CCSER1: variants seen among roughly 807,000 people sequenced by gnomAD.
The protein encoded by CCSER1 is serine-rich coiled-coil domain-containing protein 1.
Under a neutral mutation model 82.0 loss-of-function variants are expected in CCSER1, and 41 were observed. That is an observed-to-expected ratio of 0.50 (90% CI 0.39 to 0.65). The LOEUF (loss-of-function observed/expected upper bound fraction) is 0.65, where lower values mean the gene tolerates loss of function less well. CCSER1 is among the 30% of genes least tolerant of loss of function. CCSER1 has a pLI of 0.00. For synonymous variants in CCSER1, 414 were observed against 383.9 expected (o/e 1.08, Z -0.92); for missense variants, 1,119 against 1,064.2 (o/e 1.05, Z -0.72).
At chr4:90,872,598 T>C (rs930765999) in intron 8 of CCSER1, among the ~76,000 whole-genome samples, 1 of 151,974 alleles carries the variant, frequency 6.6e-6, no homozygotes, top group African/African-American at 2.4e-5. Context: ...TAGTTATTAC[T>C]TTCGATTGGT....
chr4:90,921,649 C>G (rs1340788877), intron 8 of CCSER1, among the ~76,000 whole-genome samples: 1 of 152,010 alleles, frequency 6.6e-6, no homozygotes, highest in Non-Finnish European at 1.5e-5. Context: ...TTTCCAACTC[C>G]TATCCTCAGG....
At chr4:91,095,092 C>T (rs553962674) in intron 10 of CCSER1, among the ~76,000 whole-genome samples, 18 of 152,150 alleles carry the variant, frequency 1.2e-4, no homozygotes, top group Middle Eastern at 3.4e-3. Context: ...ACTGAGTGTC[C>T]GGCACCAGTA....
At chr4:90,712,218 C>G (rs1275770939) in intron 6 of CCSER1, among the ~76,000 whole-genome samples, 3 of 151,804 alleles carry the variant, frequency 2.0e-5, no homozygotes, top group African/African-American at 7.3e-5. Context: ...TTCTCTAGTT[C>G]TTTTACTTGT....
chr4:91,245,960 T>G (rs1231316682), intron 10 of CCSER1, among the ~76,000 whole-genome samples: 3 of 152,130 alleles, frequency 2.0e-5, no homozygotes, highest in African/African-American at 7.2e-5. Flanking sequence ...CCTCCCAAAG[T>G]GTTGGGATTA....
intron 5 of CCSER1, among the ~76,000 whole-genome samples, chr4:90,611,373 A>G (rs953008471): frequency 6.6e-6 from 1 of 151,974 alleles, no homozygotes; most frequent in East Asian, 1.9e-4. Context: ...AGATCTTTTT[A>G]GTATGTGAAC....
At chr4:90,529,889 C>G (rs1481535087) in intron 5 of CCSER1, among the ~76,000 whole-genome samples, 1 of 151,298 alleles carries the variant, frequency 6.6e-6, no homozygotes, top group Admixed American at 6.6e-5. Context: ...CCTCAAATCA[C>G]TTAGGAGTAT....
intron 10 of CCSER1, among the ~76,000 whole-genome samples, chr4:91,312,895 G>A (rs1465926662): frequency 1.3e-5 from 2 of 151,988 alleles, no homozygotes; most frequent in Non-Finnish European, 2.9e-5. Flanking sequence ...TGTAAAGGCT[G>A]CTGATTCTAG....
At chr4:90,742,637 C>T (rs1746732099) in intron 7 of CCSER1, among the ~76,000 whole-genome samples, 2 of 152,080 alleles carry the variant, frequency 1.3e-5, no homozygotes, top group Admixed American at 1.3e-4. Context: ...AAATAACTTT[C>T]AATTGTTTAG....
At position 90,932,982 on chromosome 4, in the gene CCSER1, G is replaced by GAGAGAGAGAGAGAGAA. The variant is rs1730228082; in HGVS notation, c.2172+9538_2172+9539insGAGAGAGAGAGAAAGA. Among the ~76,000 whole-genome samples, 2 of 18,856 alleles carry GAGAGAGAGAGAGAGAA rather than the reference G, an allele frequency of 1.1e-4. 1 individual carries two copies. The highest frequency in any genetic ancestry group is 1.9e-4 in the Non-Finnish European group (2 of 10,684). 12.4% of individuals were successfully genotyped at this position (18,856 alleles called of 152,430 possible). A position where few individuals can be genotyped will look rare whatever the true frequency, so the allele number is the denominator to read the frequency against. On this transcript the variant is annotated intron_variant, in intron 9 of 10. Coordinates refer to ENST00000509176, the MANE Select transcript of CCSER1 (RefSeq NM_001145065.2). The stretch of plus-strand genomic sequence containing the variant: ...AGAAAGAAAGAAAGAAAGAAAGAAA[G>GAGAGAGAGAGAGAGAA]AGAAAGAAAGAAAGAAAGAAAGAAA...
At position 91,600,085 on chromosome 4, in the gene CCSER1, G is replaced by A. The variant is rs1420844825; in HGVS notation, c.*1028G>A. ...AGCCAGCATACAATATTCTGACTAT[G>A]CAGAAATCTAGATTTGGAACAAAAG... On this transcript the variant is annotated 3_prime_UTR_variant, in exon 11 of 11. Coordinates refer to ENST00000509176, the MANE Select transcript of CCSER1 (RefSeq NM_001145065.2). 6.6e-6 allele frequency: 1 copy of A among 152,102 alleles called. No homozygotes were observed. Among genetic ancestry groups the A allele is most frequent in the Non-Finnish European group, 1.5e-5 (1 of 68,006 alleles). 9.4% of individuals were successfully genotyped at this position (152,102 alleles called of 1,614,324 possible).
intron 4 of CCSER1, among the ~76,000 whole-genome samples, chr4:90,400,649 A>AGAG (rs1383955173): frequency 2.0e-5 from 3 of 152,134 alleles, no homozygotes; most frequent in African/African-American, 7.2e-5. Context: ...ATAGAGTTAG[A>AGAG]GAGGAGGTAA....
chr4:91,219,599 A>G lies in CCSER1; in HGVS notation c.2217+133605A>G, dbSNP rs564384956. 2.0e-5 allele frequency among the ~76,000 whole-genome samples: 3 copies of G among 152,240 alleles called. No homozygotes were observed. In the South Asian group the frequency reaches 6.2e-4, roughly 32 times the overall value. On this transcript the variant is annotated intron_variant, in intron 10 of 10. Transcript: ENST00000509176. ...ATTACAGGCATAAGCCACCATGCCC[A>G]GCCCAGTTTGAATTTAAATTGTAAC... is the stretch of plus-strand genomic sequence containing the variant.
At chr4:90,490,724 T>C (rs1767874774) in intron 5 of CCSER1, among the ~76,000 whole-genome samples, 1 of 152,216 alleles carries the variant, frequency 6.6e-6, no homozygotes, top group African/African-American at 2.4e-5. Flanking sequence ...GGATCCAGTT[T>C]CAGCTTTCTA....
intron 8 of CCSER1, among the ~76,000 whole-genome samples, chr4:90,914,268 A>G (rs998336678): frequency 2.6e-5 from 4 of 152,178 alleles, no homozygotes; most frequent in Non-Finnish European, 5.9e-5. Context: ...AGCAAATGTA[A>G]AAGAACAGAA....
chr4:91,306,602 T>C (rs1745088579), intron 10 of CCSER1, among the ~76,000 whole-genome samples: 1 of 152,022 alleles, frequency 6.6e-6, no homozygotes, highest in Non-Finnish European at 1.5e-5. Flanking sequence ...TTCATGAGTA[T>C]ATTCTTTAAG....
At chr4:90,772,655 A>C (rs1752354623) in intron 7 of CCSER1, among the ~76,000 whole-genome samples, 1 of 152,184 alleles carries the variant, frequency 6.6e-6, no homozygotes, top group African/African-American at 2.4e-5. Flanking sequence ...GTAGCAGATA[A>C]AATGAAGCCT....
At chr4:91,226,332 T>C (rs1328195078) in intron 10 of CCSER1, among the ~76,000 whole-genome samples, 1 of 151,982 alleles carries the variant, frequency 6.6e-6, no homozygotes, top group African/African-American at 2.4e-5. Context: ...TTTATTACAT[T>C]TGAATTTCTA....
chr4:91,352,384 C>T (rs926467885), intron 10 of CCSER1, among the ~76,000 whole-genome samples: 2 of 152,168 alleles, frequency 1.3e-5, no homozygotes, highest in African/African-American at 4.8e-5. Context: ...GTAGCTGGAA[C>T]TACAGGCGTG....
At chr4:91,302,010 T>G (rs2149240216) in intron 10 of CCSER1, among the ~76,000 whole-genome samples, 1 of 151,938 alleles carries the variant, frequency 6.6e-6, no homozygotes, top group African/African-American at 2.4e-5. Context: ...TTCCCTTGTT[T>G]ATTTCTTTCT....
Sources: gnomAD v4.1 joint callset for allele counts (sites outside exome capture counted in the v4.1 genomes callset) on GRCh38, gnomAD v4.1.1 for gene constraint, MANE v1.5 for transcripts, NCBI Gene and HGNC (gene_info 2026-07-23, HGNC 2026-07-21) for gene names.